HMX1: variants seen among roughly 807,000 people sequenced by gnomAD.
The protein encoded by HMX1 is H6 family homeobox 1, also known as homeobox protein HMX1.
In HMX1, 8 loss-of-function variants were observed where a neutral mutation model predicts 8.9. That is an observed-to-expected ratio of 0.90 (90% CI 0.53 to 1.63). HMX1 has a LOEUF of 1.63. Ranked by LOEUF, HMX1 falls within the 40% of genes most tolerant of loss-of-function variation. The pLI, the probability that HMX1 is intolerant of heterozygous loss-of-function variation, is 0.00. For missense variants in HMX1, 621 were observed against 558.5 expected, an observed-to-expected ratio of 1.11 and a Z score of -1.13; for synonymous variants, 311 against 283.4, an observed-to-expected ratio of 1.10 and a Z score of -0.98.
chr4:8,862,145 C>A (rs1464646322), downstream of HMX1, among the ~76,000 whole-genome samples: 1 of 152,254 alleles, frequency 6.6e-6, no homozygotes, highest in Non-Finnish European at 1.5e-5. Context: ...GCCGGGAAAG[C>A]TGCGTGGAAA....
rs1722039667 is a variant in HMX1, at chr4:8,867,444, G to C, written c.*249C>G. Reference sequence around the variant, plus strand: ...GGCGCCGGGGGCTGCGCAGCCCAGAGTCTCTGCATGGCCCCCTGTTCGAGT... The same window carrying C: ...GGCGCCGGGGGCTGCGCAGCCCAGACTCTCTGCATGGCCCCCTGTTCGAGT... On this transcript the variant is annotated 3_prime_UTR_variant, in exon 2 of 2. Coordinates refer to ENST00000400677, the MANE Select transcript of HMX1 (RefSeq NM_018942.3). 8.9e-7 allele frequency: 1 copy of C among 1,121,426 alleles called. No homozygotes were observed. Among genetic ancestry groups the C allele is most frequent in the Non-Finnish European group, 1.1e-6 (1 of 918,448 alleles). The allele number at this position is 1,121,426 out of a possible 1,614,324, so 69.5% of individuals were successfully genotyped here.
chr4:8,854,214 G>C (rs1435969599), intron 1 of HMX1, among the ~76,000 whole-genome samples: 2 of 152,234 alleles, frequency 1.3e-5, no homozygotes, highest in Non-Finnish European at 2.9e-5. Flanking sequence ...CTCCAGGGAA[G>C]TGCTCAGGGG....
downstream of HMX1, among the ~76,000 whole-genome samples, chr4:8,863,152 G>C (rs565187783): frequency 6.6e-6 from 1 of 152,296 alleles, no homozygotes; most frequent in Admixed American, 6.5e-5. Context: ...GTGCACAGGC[G>C]GGGAGGAACA....
At chr4:8,854,501 C>A (rs1721551300) in intron 1 of HMX1, among the ~76,000 whole-genome samples, 1 of 152,244 alleles carries the variant, frequency 6.6e-6, no homozygotes. Flanking sequence ...CCCCAAGCAG[C>A]AGGAATTCCC....
In HMX1 at chr4:8,868,600, C is replaced by G. The variant is rs985827086; in HGVS notation, c.395-255G>C. Among the ~76,000 whole-genome samples, 5 of 152,136 alleles carry G rather than the reference C, an allele frequency of 3.3e-5. No individual in the cohort carries two copies. Among genetic ancestry groups the G allele is most frequent in the Non-Finnish European group, 5.9e-5 (4 of 68,042 alleles). ...ACCCCGCAACACACAAACACAAACG[C>G]ACACCCATGCCAGAGGACAACAAAG... is the stretch of plus-strand genomic sequence containing the variant. On this transcript the variant is annotated intron_variant, in intron 1 of 1. Transcript: ENST00000400677. The surrounding 1 kb of genome is among the most constrained non-coding windows in gnomAD (Gnocchi z 4.6).
At chr4:8,859,542 G>A (rs1009132740) in intron 1 of HMX1, among the ~76,000 whole-genome samples, 10 of 152,134 alleles carry the variant, frequency 6.6e-5, no homozygotes, top group Admixed American at 2.6e-4. Context: ...AGAGGGAGAG[G>A]AGGATTGAGG....
At chr4:8,850,043 G>T (rs1005124768) in intron 1 of HMX1, among the ~76,000 whole-genome samples, 2 of 152,174 alleles carry the variant, frequency 1.3e-5, no homozygotes, top group African/African-American at 4.8e-5. Flanking sequence ...CCCATGTGCC[G>T]AAGAGTGTCT....
At chr4:8,858,311 C>T (rs1453147917) in intron 1 of HMX1, among the ~76,000 whole-genome samples, 3 of 151,978 alleles carry the variant, frequency 2.0e-5, no homozygotes, top group South Asian at 2.1e-4. Context: ...CAGAGAGGTC[C>T]GGAGAAGCAG....
At chr4:8,851,915 C>CA (rs1183392312) in intron 1 of HMX1, among the ~76,000 whole-genome samples, 1 of 152,384 alleles carries the variant, frequency 6.6e-6, no homozygotes, top group African/African-American at 2.4e-5. Context: ...GGGCTGGAGA[C>CA]AGCTCCAGGC....
At chr4:8,850,183 A>G (rs1721401928) in intron 1 of HMX1, among the ~76,000 whole-genome samples, 1 of 152,156 alleles carries the variant, frequency 6.6e-6, no homozygotes, top group Admixed American at 6.5e-5. Flanking sequence ...TGGGAAACAG[A>G]TGGGGGTTCC....
downstream of HMX1, among the ~76,000 whole-genome samples, chr4:8,865,153 C>G (rs1455415484): frequency 2.6e-5 from 4 of 152,194 alleles, no homozygotes; most frequent in African/African-American, 9.7e-5. Flanking sequence ...GACTGAACCG[C>G]CTGTAAGGGG....
chr4:8,868,038 G>A lies in HMX1; in HGVS notation c.702C>T (p.Ala234=), dbSNP rs766785112. The A allele has an allele frequency of 8.5e-6, 13 of 1,533,648 alleles. No individual in the cohort carries two copies. The highest frequency in any genetic ancestry group is 2.4e-5 in the South Asian group (2 of 82,152). The change falls in exon 2 of 2, where the codon GCC becomes GCT. Residue 234 remains alanine, a synonymous_variant. Coordinates refer to ENST00000400677, the MANE Select transcript of HMX1 (RefSeq NM_018942.3). The surrounding 1 kb of genome is among the most constrained non-coding windows in gnomAD (Gnocchi z 4.6). ...TGAGCTGCAGGGAGGCGGCCAGGCC[G>A]GCGCGCTCGGCGCTGCTCAGGTAGC... ...LKRYLSSAER[A]GLAASLQLTE...
In HMX1 at chr4:8,847,281, A is replaced by G. The variant is rs1721304579; in HGVS notation, c.395-957T>C. ...AGACTCTGTCTTTAAAAATTAAAAA[A>G]AATAATAATTTAATTTAATTTAAAA... On this transcript the variant is annotated intron_variant, in intron 1 of 1. Coordinates refer to the HMX1 transcript ENST00000506970. The surrounding 1 kb of genome is among the most constrained non-coding windows in gnomAD (Gnocchi z 6.0). 6.6e-6 allele frequency among the ~76,000 whole-genome samples: 1 copy of G among 152,190 alleles called. No homozygotes were observed.
intron 1 of HMX1, among the ~76,000 whole-genome samples, chr4:8,850,115 T>G (rs1013929067): frequency 6.6e-6 from 1 of 152,102 alleles, no homozygotes. Context: ...TGAGTGAAGG[T>G]AGACAGGGTG....
rs1442240438 is a variant in HMX1 at position 8,853,428 on chromosome 4, T to C, written c.395-7104A>G. 6.6e-6 allele frequency among the ~76,000 whole-genome samples: 1 copy of C among 152,230 alleles called. No homozygotes were observed. Among genetic ancestry groups the C allele is most frequent in the Non-Finnish European group, 1.5e-5 (1 of 68,048 alleles). On this transcript the variant is annotated intron_variant, in intron 1 of 1. Coordinates refer to the HMX1 transcript ENST00000506970. This position sits in a 1 kb window ranked among gnomAD's most constrained non-coding sequence, Gnocchi z 4.7. ...AAAGATCTATCCAGATGTTGCCCGC[T>C]GCACATCTCATGCTCACTGGTCAGA... is the stretch of plus-strand genomic sequence containing the variant.
rs771014981 is a variant in HMX1 at position 8,868,395 on chromosome 4, G to A, written c.395-50C>T. On this transcript the variant is annotated intron_variant, in intron 1 of 1. Coordinates refer to ENST00000400677, the MANE Select transcript of HMX1 (RefSeq NM_018942.3). This position sits in a 1 kb window ranked among gnomAD's most constrained non-coding sequence, Gnocchi z 4.6. ...GTTGGTTCTAGGGCACTGATTACCA[G>A]ACTCAATCACTGAGGCCAGCCGTCC... 4 of 1,270,444 alleles carry A rather than the reference G, an allele frequency of 3.1e-6. No individual in the cohort carries two copies. The highest frequency in any genetic ancestry group is 4.0e-6 in the Non-Finnish European group (4 of 1,001,150). The allele number at this position is 1,270,444 out of a possible 1,614,324, so 78.7% of individuals were successfully genotyped here. A position where few individuals can be genotyped will look rare whatever the true frequency, so the allele number is the denominator to read the frequency against.
chr4:8,857,432 T>A (rs1374942789), intron 1 of HMX1, among the ~76,000 whole-genome samples: 1 of 152,122 alleles, frequency 6.6e-6, no homozygotes, highest in Admixed American at 6.5e-5. Context: ...TTCTCCTTCC[T>A]CCTTCCCCCG....
At chr4:8,869,364 C>T (rs144142376) in intron 1 of HMX1, among the ~76,000 whole-genome samples, 8 of 152,204 alleles carry the variant, frequency 5.3e-5, no homozygotes, top group African/African-American at 1.7e-4. Context: ...GACTCGGACC[C>T]GCTGCTTTTC....
Position 8,867,644 on chromosome 4 carries a change from G to A in HMX1, c.*49C>T. ...CCCTGCGCCTGCCGCTGAATCGCGC[G>A]TCCACACAGGTCCACAGGGTCGTGG... On this transcript the variant is annotated 3_prime_UTR_variant, in exon 2 of 2. Transcript: ENST00000400677. The A allele has an allele frequency of 8.2e-7, 1 of 1,215,766 alleles. No homozygotes were observed. The highest frequency in any genetic ancestry group is 1.0e-6 in the Non-Finnish European group (1 of 976,902). The allele number at this position is 1,215,766 out of a possible 1,614,324, so 75.3% of individuals were successfully genotyped here.
Sources: allele counts gnomAD v4.1 joint callset (sites outside exome capture counted in the v4.1 genomes callset), GRCh38; gene constraint gnomAD v4.1.1; non-coding constraint Gnocchi (gnomAD v3.1); transcripts MANE v1.5; gene names NCBI Gene and HGNC (gene_info 2026-07-23, HGNC 2026-07-21).